The following ANO6 variants were observed in gnomAD, a reference collection of about 807,000 sequenced individuals.
ANO6 encodes anoctamin-6.
In ANO6, 106 loss-of-function variants were observed where a neutral mutation model predicts 117.5. The observed-to-expected ratio is 0.90, with a 90% CI of 0.77 to 1.06. The LOEUF (loss-of-function observed/expected upper bound fraction) is 1.06. ANO6 is among the 50% of genes least tolerant of loss of function. The pLI is 0.00. For synonymous variants in ANO6, 367 were observed against 385.1 expected (o/e 0.95, Z 0.55); for missense variants, 955 against 1,121.1 (o/e 0.85, Z 2.12).
At chr12:45,388,082 A>G in intron 10 of ANO6, 79 bp from the exon 11 acceptor site, 1 of 1,568,120 alleles carries the variant, frequency 6.4e-7, no homozygotes, top group Non-Finnish European at 8.8e-7. Context: ...ACAATGGATA[A>G]TTAATATTAT....
At chr12:45,217,703 TTAATGCTCTTACCACTGGGTC>T (rs1209191171) in intron 1 of ANO6, among the ~76,000 whole-genome samples, 1 of 152,162 alleles carries the variant, frequency 6.6e-6, no homozygotes, top group African/African-American at 2.4e-5. Context: ...CCAGTGAAGA[TTAATGCTCTTACCACTGGGTC>T]ACTCTGGCTG....
At chr12:45,370,197 C>T (rs552974819) in intron 9 of ANO6, among the ~76,000 whole-genome samples, 10 of 152,366 alleles carry the variant, frequency 6.6e-5, no homozygotes, top group African/African-American at 2.4e-4. Context: ...TTTTCCCTTA[C>T]TTCCTGCTTC....
chr12:45,230,632 G>A (rs1404309845), intron 1 of ANO6, among the ~76,000 whole-genome samples: 1 of 151,810 alleles, frequency 6.6e-6, no homozygotes, highest in Non-Finnish European at 1.5e-5. Flanking sequence ...TATAATTTTA[G>A]TATGAAAGGT....
intron 1 of ANO6, among the ~76,000 whole-genome samples, chr12:45,241,189 A>G (rs1005657011): frequency 3.9e-5 from 6 of 152,212 alleles, no homozygotes; most frequent in East Asian, 1.9e-4. Context: ...AGGTACACCA[A>G]TCAAACATAG....
chr12:45,403,012 A>C, intron 13 of ANO6, 60 bp from the exon 14 acceptor site: 11 of 1,481,214 alleles, frequency 7.4e-6, no homozygotes, highest in Non-Finnish European at 1.0e-5. Flanking sequence ...AGTATTTTTT[A>C]TTAGAGTCTC....
At chr12:45,356,583 TAAG>T (rs556865358) in intron 7 of ANO6, among the ~76,000 whole-genome samples, 4 of 152,174 alleles carry the variant, frequency 2.6e-5, no homozygotes, top group African/African-American at 7.2e-5. Flanking sequence ...TAAGAAATCA[TAAG>T]AAAGTATATT....
chr12:45,317,671 G>A (rs1434944133), intron 2 of ANO6, among the ~76,000 whole-genome samples: 1 of 152,010 alleles, frequency 6.6e-6, no homozygotes, highest in Non-Finnish European at 1.5e-5. Context: ...GGTATTTCTA[G>A]TTCTAGATCC....
chr12:45,378,118 GTTTTT>G lies in ANO6; in HGVS notation c.1165+17_1165+21del. 1 of 1,501,790 alleles carries G rather than the reference GTTTTT, an allele frequency of 6.7e-7. No individual in the cohort carries two copies. The highest frequency in any genetic ancestry group is 1.8e-4 in the Middle Eastern group (1 of 5,446). 93.0% of individuals were successfully genotyped at this position (1,501,790 alleles called of 1,614,324 possible). On this transcript the variant is annotated splice_donor_region_variant and intron_variant, in intron 10 of 19. Coordinates refer to ENST00000320560, the MANE Select transcript of ANO6 (RefSeq NM_001025356.3). ...CAGTATTTATGGGAGTATGGGGTAAGTTTTTTTTTTTTTTTTCATGCACTCAATTT... is the reference window on the plus strand; with the variant it reads ...CAGTATTTATGGGAGTATGGGGTAAGTTTTTTTTTTTCATGCACTCAATTT...
intron 7 of ANO6, among the ~76,000 whole-genome samples, chr12:45,355,091 G>A (rs1941376543): frequency 6.6e-6 from 1 of 152,116 alleles, no homozygotes; most frequent in Non-Finnish European, 1.5e-5. Flanking sequence ...ATAGGGGAGG[G>A]GGTAGGGGAC....
chr12:45,306,982 G>A (rs1354669279), intron 2 of ANO6, among the ~76,000 whole-genome samples: 4 of 152,056 alleles, frequency 2.6e-5, no homozygotes, highest in African/African-American at 4.8e-5. Flanking sequence ...GCATAAACAG[G>A]TTTCGAGGTA....
At chr12:45,251,412 C>A (rs1013224046) in intron 1 of ANO6, among the ~76,000 whole-genome samples, 2 of 152,198 alleles carry the variant, frequency 1.3e-5, no homozygotes, top group Non-Finnish European at 2.9e-5. Flanking sequence ...CAGGGCTCAG[C>A]TGAGTGGTGT....
chr12:45,294,961 C>T (rs1055869707), intron 1 of ANO6, among the ~76,000 whole-genome samples: 2 of 152,164 alleles, frequency 1.3e-5, no homozygotes, highest in South Asian at 2.1e-4. Flanking sequence ...AGAGTCTTCA[C>T]GTCAGTTTCA....
intron 1 of ANO6, chr12:45,228,317 T>A (rs1378399018): frequency 7.2e-5 from 21 of 292,834 alleles, no homozygotes; most frequent in African/African-American, 1.5e-4. Context: ...TTTTTTTTTT[T>A]ATTATTAGAG....
chr12:45,264,075 C>T (rs1190558839), intron 1 of ANO6, among the ~76,000 whole-genome samples: 6 of 152,126 alleles, frequency 3.9e-5, no homozygotes, highest in Non-Finnish European at 5.9e-5. Flanking sequence ...GGAAGGAAAC[C>T]GAGGAAACCA....
intron 1 of ANO6, among the ~76,000 whole-genome samples, chr12:45,243,781 C>G (rs1164028709): frequency 1.3e-5 from 2 of 152,262 alleles, no homozygotes; most frequent in African/African-American, 4.8e-5. Flanking sequence ...AACTCCTGAC[C>G]TCAGGTGATC....
chr12:45,359,719 TG>T (rs1273473737), intron 8 of ANO6, among the ~76,000 whole-genome samples: 2 of 152,250 alleles, frequency 1.3e-5, no homozygotes, highest in Admixed American at 1.3e-4. Flanking sequence ...TTCTACTCTT[TG>T]GTTATTATGA....
At chr12:45,268,128 G>A (rs903673755) in intron 1 of ANO6, among the ~76,000 whole-genome samples, 3 of 152,170 alleles carry the variant, frequency 2.0e-5, no homozygotes, top group African/African-American at 7.2e-5. Context: ...GTATTCCATT[G>A]TGTATGTACT....
intron 19 of ANO6, chr12:45,439,650 T>TC (rs1366533275): frequency 1.2e-6 from 1 of 827,040 alleles, no homozygotes. Context: ...TTAATTGCTT[T>TC]TTTTTTTTTT....
At chr12:45,274,913 C>T (rs1001253236) in intron 1 of ANO6, among the ~76,000 whole-genome samples, 5 of 150,402 alleles carry the variant, frequency 3.3e-5, no homozygotes, top group Admixed American at 2.0e-4. Flanking sequence ...TCACCCCTGA[C>T]TTATCTATCT....
Sources: allele counts gnomAD v4.1 joint callset (sites outside exome capture counted in the v4.1 genomes callset), GRCh38; gene constraint gnomAD v4.1.1; transcripts MANE v1.5; gene names NCBI Gene and HGNC (gene_info 2026-07-23, HGNC 2026-07-21).